The following GABRB1 variants were observed in gnomAD, a reference collection of about 807,000 sequenced individuals.
GABRB1 encodes gamma-aminobutyric acid type A receptor subunit beta1, also known as gamma-aminobutyric acid receptor subunit beta-1.
In GABRB1, 17 loss-of-function variants were observed where a neutral mutation model predicts 51.6. That is an observed-to-expected ratio of 0.33 (90% CI 0.23 to 0.49). GABRB1 has a LOEUF of 0.49. Ranked by LOEUF, GABRB1 falls within the 20% of genes least tolerant of loss-of-function variation. GABRB1 has a pLI of 0.99. For synonymous variants in GABRB1, 247 were observed against 218.9 expected (o/e 1.13, Z -1.14); for missense variants, 410 against 600.6 (o/e 0.68, Z 3.32).
At chr4:47,385,304 T>A (rs1727750978) in intron 5 of GABRB1, among the ~76,000 whole-genome samples, 1 of 152,232 alleles carries the variant, frequency 6.6e-6, no homozygotes, top group Non-Finnish European at 1.5e-5. Flanking sequence ...TTGGTTACAG[T>A]ACTGTGAAAC....
chr4:47,222,142 A>T (rs1010292186), intron 4 of GABRB1, among the ~76,000 whole-genome samples: 2 of 152,074 alleles, frequency 1.3e-5, no homozygotes, highest in South Asian at 4.1e-4. Flanking sequence ...ATCTCCATCA[A>T]CTTCAGCTGG....
chr4:47,403,196 C>A (rs912187276), intron 5 of GABRB1, 122 bp from the exon 6 acceptor site: 2 of 981,678 alleles, frequency 2.0e-6, no homozygotes, highest in East Asian at 5.0e-5. Flanking sequence ...CTGCATACCA[C>A]CCTAGTTTAA....
At chr4:47,189,771 C>G (rs898748140) in intron 4 of GABRB1, among the ~76,000 whole-genome samples, 1 of 152,106 alleles carries the variant, frequency 6.6e-6, no homozygotes, top group East Asian at 1.9e-4. Flanking sequence ...TTTTTATTCA[C>G]CTTTCTTTCC....
At chr4:47,029,270 T>C (rs899069994), upstream of GABRB1, among the ~76,000 whole-genome samples, 2 of 151,958 alleles carry the variant, frequency 1.3e-5, no homozygotes, top group Admixed American at 6.6e-5. Flanking sequence ...ACAAAGTGTT[T>C]AGATCAATTT....
intron 1 of GABRB1, among the ~76,000 whole-genome samples, chr4:46,997,776 A>T (rs1724048822): frequency 6.6e-6 from 1 of 152,172 alleles, no homozygotes; most frequent in East Asian, 1.9e-4. Context: ...ATGCACACAT[A>T]CACATATACA....
chr4:47,151,715 C>T (rs1004104479), intron 3 of GABRB1, among the ~76,000 whole-genome samples: 1 of 151,994 alleles, frequency 6.6e-6, no homozygotes, highest in African/African-American at 2.4e-5. Flanking sequence ...AAGGAACTTA[C>T]AGAAAATCTA....
chr4:47,092,632 T>C (rs1479877337), intron 3 of GABRB1, among the ~76,000 whole-genome samples: 1 of 150,040 alleles, frequency 6.7e-6, no homozygotes, highest in Non-Finnish European at 1.5e-5. Flanking sequence ...TGAAACAGAG[T>C]CTCACTCTGT....
At chr4:47,292,946 C>T (rs940857223) in intron 4 of GABRB1, among the ~76,000 whole-genome samples, 1 of 152,172 alleles carries the variant, frequency 6.6e-6, no homozygotes, top group Non-Finnish European at 1.5e-5. Context: ...ATAGTCCAAC[C>T]TTTTAATATT....
intron 3 of GABRB1, among the ~76,000 whole-genome samples, chr4:47,064,714 T>C (rs1374094567): frequency 6.6e-6 from 1 of 151,934 alleles, no homozygotes; most frequent in African/African-American, 2.4e-5. Context: ...ATTAGCTGTG[T>C]ACTTTTGTAT....
intron 4 of GABRB1, among the ~76,000 whole-genome samples, chr4:47,183,622 C>T (rs1453503884): frequency 6.6e-6 from 1 of 151,592 alleles, no homozygotes; most frequent in African/African-American, 2.4e-5. Context: ...CATATAAATA[C>T]CTTCTTTTCC....
chr4:47,220,833 C>A (rs1720738966), intron 4 of GABRB1, among the ~76,000 whole-genome samples: 1 of 151,978 alleles, frequency 6.6e-6, no homozygotes, highest in Admixed American at 6.6e-5. Context: ...TCTCCCAGCC[C>A]CTCTTGTGGC....
intron 4 of GABRB1, among the ~76,000 whole-genome samples, chr4:47,225,114 C>T (rs572637441): frequency 3.3e-5 from 5 of 152,176 alleles, no homozygotes; most frequent in African/African-American, 9.6e-5. Context: ...AGGCTGGTCT[C>T]GAATTCCTGA....
chr4:47,249,139 G>C (rs573200165), intron 4 of GABRB1, among the ~76,000 whole-genome samples: 1 of 152,080 alleles, frequency 6.6e-6, no homozygotes, highest in South Asian at 2.1e-4. Context: ...TTTGATGTAG[G>C]CATTTAGGGA....
chr4:47,344,276 T>C (rs1726009016), intron 5 of GABRB1, among the ~76,000 whole-genome samples: 3 of 152,184 alleles, frequency 2.0e-5, no homozygotes. Flanking sequence ...AATTCTTCCC[T>C]GCTGTCTTCT....
chr4:47,217,578 T>C (rs973659599), intron 4 of GABRB1, among the ~76,000 whole-genome samples: 4 of 151,826 alleles, frequency 2.6e-5, no homozygotes, highest in African/African-American at 7.2e-5. Context: ...AAGTTCAGCA[T>C]TGCTCCTGTC....
In GABRB1 at chr4:47,031,584, C is replaced by T; in HGVS notation, c.-68C>T. 1.5e-6 allele frequency: 2 copies of T among 1,353,000 alleles called. No homozygotes were observed. The highest frequency in any genetic ancestry group is 1.1e-6 in the Non-Finnish European group (1 of 943,064). The allele number at this position is 1,353,000 out of a possible 1,614,324, so 83.8% of individuals were successfully genotyped here. On this transcript the variant is annotated 5_prime_UTR_variant, in exon 1 of 9. Transcript: ENST00000295454. ...GCAGGTCCATTCGGGAATTACTGCC[C>T]AGCAGCCGACTAAGTTGCATTCCTT...
chr4:47,312,627 T>C (rs944982827), intron 4 of GABRB1, among the ~76,000 whole-genome samples: 13 of 152,178 alleles, frequency 8.5e-5, no homozygotes, highest in African/African-American at 2.9e-4. Context: ...GGAGTATAAA[T>C]AGGGTTCAGC....
intron 3 of GABRB1, among the ~76,000 whole-genome samples, chr4:47,137,003 A>C (rs1197458480): frequency 6.6e-6 from 1 of 152,164 alleles, no homozygotes; most frequent in Non-Finnish European, 1.5e-5. Flanking sequence ...AAAGAGAGAC[A>C]AGGAGACTAG....
chr4:47,030,429 T>C (rs1235632916), upstream of GABRB1, among the ~76,000 whole-genome samples: 3 of 152,182 alleles, frequency 2.0e-5, no homozygotes, highest in African/African-American at 7.2e-5. Context: ...CTTTCCCTCA[T>C]AAAAGTAAGC....
Sources: allele counts gnomAD v4.1 joint callset (sites outside exome capture counted in the v4.1 genomes callset), GRCh38; gene constraint gnomAD v4.1.1; transcripts MANE v1.5; gene names NCBI Gene and HGNC (gene_info 2026-07-23, HGNC 2026-07-21).